NCOA7: variants seen among roughly 807,000 people sequenced by gnomAD.
NCOA7 encodes the protein nuclear receptor coactivator 7.
Under a neutral mutation model 104.3 loss-of-function variants are expected in NCOA7, and 45 were observed. The ratio of observed to expected loss-of-function variants is 0.43; its 90% CI spans 0.34 to 0.55. The LOEUF is 0.55. Ranked by LOEUF, NCOA7 falls within the 20% of genes least tolerant of loss-of-function variation. The pLI is 0.02. For missense variants in NCOA7, 1,041 were observed against 1,119.7 expected, an observed-to-expected ratio of 0.93 and a Z score of 1.00; for synonymous variants, 398 against 402.3, an observed-to-expected ratio of 0.99 and a Z score of 0.13.
intron 10 of NCOA7, among the ~76,000 whole-genome samples, chr6:125,895,959 GTA>G (rs201690002): frequency 4.4e-5 from 6 of 137,512 alleles, no homozygotes; most frequent in Admixed American, 7.1e-5. Flanking sequence ...GTTCATATAT[GTA>G]TATATGTGTG....
chr6:125,905,516 C>T (rs111697965), intron 10 of NCOA7, among the ~76,000 whole-genome samples: 12 of 152,150 alleles, frequency 7.9e-5, no homozygotes, highest in Non-Finnish European at 1.6e-4. Flanking sequence ...CCTGCTTCGG[C>T]CTCCCGAAGT....
At chr6:125,807,983 A>G (rs147082090) in intron 1 of NCOA7, among the ~76,000 whole-genome samples, 2 of 152,272 alleles carry the variant, frequency 1.3e-5, no homozygotes, top group Admixed American at 6.5e-5. Flanking sequence ...AAATCTATCA[A>G]ATGCCTCTTA....
intron 11 of NCOA7, chr6:125,919,536 G>GGTAGAAATGTCAGC: frequency 8.9e-7 from 1 of 1,121,144 alleles, no homozygotes; most frequent in Non-Finnish European, 1.3e-6. Context: ...GGATTGTGCT[G>GGTAGAAATGTCAGC]ACATTTCTAC....
At chr6:125,790,452 G>A (rs1448758573), upstream of NCOA7, among the ~76,000 whole-genome samples, 2 of 152,226 alleles carry the variant, frequency 1.3e-5, no homozygotes, top group African/African-American at 2.4e-5. Context: ...GCGCCACAAA[G>A]GGCCGAGGCC....
chr6:125,927,940 G>A (rs1788180219), intron 14 of NCOA7, among the ~76,000 whole-genome samples, 182 bp downstream of exon 14: 1 of 152,226 alleles, frequency 6.6e-6, no homozygotes, highest in South Asian at 2.1e-4. Context: ...GGGCTGCTCA[G>A]GCTGGGATCC....
intron 2 of NCOA7, among the ~76,000 whole-genome samples, chr6:125,824,728 A>G (rs1018695488): frequency 2.6e-5 from 4 of 152,110 alleles, no homozygotes; most frequent in African/African-American, 9.7e-5. Context: ...AAGAAAAGTG[A>G]TTTAAACTGT....
intron 2 of NCOA7, among the ~76,000 whole-genome samples, chr6:125,829,679 T>C (rs1778986372): frequency 6.6e-6 from 1 of 152,154 alleles, no homozygotes; most frequent in Admixed American, 6.5e-5. Context: ...CATTCAAAAT[T>C]CTAATTTAGT....
intron 10 of NCOA7, among the ~76,000 whole-genome samples, chr6:125,894,612 T>G (rs1243400550): frequency 6.6e-6 from 1 of 152,178 alleles, no homozygotes; most frequent in Non-Finnish European, 1.5e-5. Flanking sequence ...CCTTACACAT[T>G]CATCATCACA....
intron 2 of NCOA7, among the ~76,000 whole-genome samples, chr6:125,816,931 C>G (rs1331290554): frequency 2.0e-5 from 3 of 152,194 alleles, no homozygotes; most frequent in Non-Finnish European, 4.4e-5. Context: ...CCTACTCACT[C>G]CTTCCATCTG....
At chr6:125,827,474 T>C (rs1778765615) in intron 2 of NCOA7, among the ~76,000 whole-genome samples, 1 of 152,146 alleles carries the variant, frequency 6.6e-6, no homozygotes, top group Non-Finnish European at 1.5e-5. Flanking sequence ...TATAAATGGC[T>C]GTATTTGCTG....
chr6:125,885,150 C>A lies in NCOA7; in HGVS notation c.700-9C>A, dbSNP rs1784150283. On this transcript the variant is annotated splice_polypyrimidine_tract_variant and intron_variant, in intron 7 of 15. Coordinates refer to ENST00000392477, the MANE Select transcript of NCOA7 (RefSeq NM_181782.5). ...TGAAGTGATTCTGTCCTGTTGCTTT[C>A]TCCTGCAGGGTGTGGTTGGCGGTGT... 1 of 1,613,370 alleles carries A rather than the reference C, an allele frequency of 6.2e-7. No individual in the cohort carries two copies. Among genetic ancestry groups the A allele is most frequent in the Admixed American group, 1.7e-5 (1 of 59,990 alleles).
At chr6:125,919,402 G>T in intron 11 of NCOA7, 1 of 1,612,732 alleles carries the variant, frequency 6.2e-7, no homozygotes, top group Non-Finnish European at 8.5e-7. Flanking sequence ...TTTCTATTGT[G>T]CCAGACCTGA....
At chr6:125,890,314 T>C (rs542349693) in intron 9 of NCOA7, among the ~76,000 whole-genome samples, 1 of 152,340 alleles carries the variant, frequency 6.6e-6, no homozygotes, top group Admixed American at 6.5e-5. Flanking sequence ...TGAATTGCAT[T>C]ATGTTATATT....
chr6:125,848,930 G>A (rs1467288010), intron 2 of NCOA7, among the ~76,000 whole-genome samples: 1 of 152,160 alleles, frequency 6.6e-6, no homozygotes, highest in Non-Finnish European at 1.5e-5. Flanking sequence ...GTTTGTAGAA[G>A]AGCACATCTC....
At chr6:125,801,094 TAGC>T (rs1372389309) in intron 1 of NCOA7, among the ~76,000 whole-genome samples, 5 of 152,304 alleles carry the variant, frequency 3.3e-5, no homozygotes, top group East Asian at 3.9e-4. Context: ...CTGAGAAACT[TAGC>T]AGTATGAGTT....
At chr6:125,822,786 T>C (rs1282232534) in intron 2 of NCOA7, among the ~76,000 whole-genome samples, 2 of 151,718 alleles carry the variant, frequency 1.3e-5, no homozygotes, top group African/African-American at 4.8e-5. Context: ...AATACAAAAA[T>C]TAGCTGGGCA....
chr6:125,820,598 A>G (rs962510046), intron 2 of NCOA7, among the ~76,000 whole-genome samples: 8 of 151,910 alleles, frequency 5.3e-5, no homozygotes, highest in African/African-American at 1.9e-4. Flanking sequence ...TGAAACCAAG[A>G]TGGCTATGAA....
intron 2 of NCOA7, among the ~76,000 whole-genome samples, chr6:125,853,736 A>T (rs1781318530): frequency 6.6e-6 from 1 of 152,138 alleles, no homozygotes; most frequent in African/African-American, 2.4e-5. Context: ...TTTGTGTTAT[A>T]TGTTGACATG....
At chr6:125,843,273 G>A (rs1237454187) in intron 2 of NCOA7, among the ~76,000 whole-genome samples, 1 of 152,158 alleles carries the variant, frequency 6.6e-6, no homozygotes. Context: ...GGGGCTACCA[G>A]TAATATAGCT....
Sources: allele counts gnomAD v4.1 joint callset (sites outside exome capture counted in the v4.1 genomes callset), GRCh38; gene constraint gnomAD v4.1.1; transcripts MANE v1.5; gene names NCBI Gene and HGNC (gene_info 2026-07-23, HGNC 2026-07-21).